Variants in ZNF385B observed in about 807,000 individuals in gnomAD.
ZNF385B encodes zinc finger protein 385B.
In ZNF385B, 23 loss-of-function variants were observed where a neutral mutation model predicts 39.2. That is an observed-to-expected ratio of 0.59 (90% CI 0.42 to 0.83). The LOEUF (loss-of-function observed/expected upper bound fraction) is 0.83, where lower values mean the gene tolerates loss of function less well. Among genes scored for constraint, ZNF385B ranks in the 40% least tolerant of loss-of-function variants. ZNF385B has a pLI of 0.00. For missense variants in ZNF385B, 552 were observed against 598.9 expected (o/e 0.92, Z 0.82); for synonymous variants, 205 against 222.6 (o/e 0.92, Z 0.70).
At position 179,548,041 on chromosome 2, in the gene ZNF385B, T is replaced by C. The variant is rs191022797; in HGVS notation, c.299-3072A>G. ...TTTCAGATTGTTTGCTGTTGGTACA[T>C]AGAAATGCTACTGATTTTTGTATGT... On this transcript the variant is annotated intron_variant, in intron 3 of 9. Transcript: ENST00000410066. Among the ~76,000 whole-genome samples, 7 of 149,874 alleles carry C rather than the reference T, an allele frequency of 4.7e-5. No homozygotes were observed. In the East Asian group the frequency reaches 9.7e-4, roughly 21 times the overall value.
chr2:179,675,733 GTAGGCC>G (rs1696668398), intron 3 of ZNF385B, among the ~76,000 whole-genome samples: 1 of 152,070 alleles, frequency 6.6e-6, no homozygotes, highest in African/African-American at 2.4e-5. Flanking sequence ...GATGAATTTG[GTAGGCC>G]ACTTTCAAGA....
At chr2:179,739,300 G>A (rs1260099184) in intron 3 of ZNF385B, among the ~76,000 whole-genome samples, 2 of 152,196 alleles carry the variant, frequency 1.3e-5, no homozygotes, top group African/African-American at 4.8e-5. Flanking sequence ...CTGGAGAGCT[G>A]ATCTGATGCG....
intron 1 of ZNF385B, among the ~76,000 whole-genome samples, chr2:179,847,185 T>G (rs1315077070): frequency 6.6e-6 from 1 of 152,220 alleles, no homozygotes; most frequent in East Asian, 1.9e-4. Context: ...CTGTGCTATG[T>G]GCCTGCCCTA....
At chr2:179,491,215 A>G (rs1226683349) in intron 5 of ZNF385B, among the ~76,000 whole-genome samples, 1 of 152,210 alleles carries the variant, frequency 6.6e-6, no homozygotes, top group Non-Finnish European at 1.5e-5. Context: ...GAATTCATCA[A>G]GAAGTATCTT....
At chr2:179,570,777 T>C (rs1197717634) in intron 3 of ZNF385B, among the ~76,000 whole-genome samples, 2 of 152,238 alleles carry the variant, frequency 1.3e-5, no homozygotes, top group Non-Finnish European at 2.9e-5. Context: ...TCTCCAGGAA[T>C]TGTATGCAAA....
intron 3 of ZNF385B, among the ~76,000 whole-genome samples, chr2:179,632,918 T>G (rs539920529): frequency 1.1e-3 from 172 of 152,250 alleles, no homozygotes; most frequent in Middle Eastern, 3.4e-3. Context: ...GAGAATACTA[T>G]AAACACCTAT....
intron 6 of ZNF385B, among the ~76,000 whole-genome samples, chr2:179,476,378 A>G (rs2053451124): frequency 6.6e-6 from 1 of 152,202 alleles, no homozygotes; most frequent in South Asian, 2.1e-4. Flanking sequence ...TGAGGGTGAA[A>G]AAAGTTTTTA....
intron 3 of ZNF385B, among the ~76,000 whole-genome samples, chr2:179,597,412 G>GT (rs944521948): frequency 6.6e-6 from 1 of 152,176 alleles, no homozygotes; most frequent in South Asian, 2.1e-4. Flanking sequence ...TACTTTGACT[G>GT]TTTTTTACAT....
chr2:179,467,141 T>C (rs2052144140), intron 6 of ZNF385B, among the ~76,000 whole-genome samples: 2 of 152,098 alleles, frequency 1.3e-5, no homozygotes, highest in African/African-American at 4.8e-5. Flanking sequence ...CCCAGGTGCA[T>C]AATTTTACAT....
chr2:179,714,433 T>C (rs1308904889), intron 3 of ZNF385B, among the ~76,000 whole-genome samples: 1 of 152,198 alleles, frequency 6.6e-6, no homozygotes, highest in East Asian at 1.9e-4. Flanking sequence ...AGCAGTCAGC[T>C]TTATTTTCAA....
chr2:179,705,738 T>C (rs981095926), intron 3 of ZNF385B, among the ~76,000 whole-genome samples: 1 of 152,238 alleles, frequency 6.6e-6, no homozygotes, highest in Non-Finnish European at 1.5e-5. Context: ...AGAGCAAATA[T>C]CTTAGGCTTT....
At chr2:179,526,415 C>A (rs2058901784) in intron 4 of ZNF385B, among the ~76,000 whole-genome samples, 2 of 151,650 alleles carry the variant, frequency 1.3e-5, no homozygotes, top group African/African-American at 4.8e-5. Context: ...CATGGAGAAA[C>A]CCTGTCTCTA....
chr2:179,447,343 G>A (rs1307077988), intron 6 of ZNF385B, among the ~76,000 whole-genome samples: 1 of 152,162 alleles, frequency 6.6e-6, no homozygotes, highest in Admixed American at 6.6e-5. Flanking sequence ...AAGAGACCAA[G>A]CTTCCATTCA....
chr2:179,810,276 AACAG>A (rs1328921886), intron 1 of ZNF385B, among the ~76,000 whole-genome samples: 1 of 151,936 alleles, frequency 6.6e-6, no homozygotes, highest in Non-Finnish European at 1.5e-5. Context: ...AGAAAAGAAA[AACAG>A]ACAATTTCAA....
chr2:179,668,285 A>G (rs1225663366), intron 3 of ZNF385B, among the ~76,000 whole-genome samples: 3 of 152,194 alleles, frequency 2.0e-5, no homozygotes, highest in African/African-American at 7.2e-5. Context: ...TCATATAGTT[A>G]CCTTAATTTT....
chr2:179,859,841 C>T (rs6757268), intron 1 of ZNF385B, among the ~76,000 whole-genome samples: 5,590 of 152,236 alleles, frequency 0.037, 323 homozygotes, highest in African/African-American at 0.13. Flanking sequence ...ACATACTCAA[C>T]GCACACATGG....
At chr2:179,609,223 TACCCTTCCC>T (rs951039962) in intron 3 of ZNF385B, among the ~76,000 whole-genome samples, 2 of 152,098 alleles carry the variant, frequency 1.3e-5, no homozygotes, top group Non-Finnish European at 2.9e-5. Context: ...CCAACCCTAC[TACCCTTCCC>T]AGCCTCTGGT....
intron 3 of ZNF385B, among the ~76,000 whole-genome samples, chr2:179,630,198 A>G (rs1359624807): frequency 6.6e-6 from 1 of 152,246 alleles, no homozygotes; most frequent in African/African-American, 2.4e-5. Context: ...CTGAGAATGG[A>G]CAGAATGCCT....
intron 6 of ZNF385B, among the ~76,000 whole-genome samples, chr2:179,462,853 T>C (rs1300213805): frequency 6.6e-6 from 1 of 152,164 alleles, no homozygotes; most frequent in Non-Finnish European, 1.5e-5. Context: ...GTTATGTGCA[T>C]AAAGATCTTG....
Sources: gnomAD v4.1 joint callset for allele counts (sites outside exome capture counted in the v4.1 genomes callset) on GRCh38, gnomAD v4.1.1 for gene constraint, MANE v1.5 for transcripts, NCBI Gene and HGNC (gene_info 2026-07-23, HGNC 2026-07-21) for gene names.